Variants in COL8A1 observed in about 807,000 individuals in gnomAD.
COL8A1 encodes the protein collagen alpha-1(VIII) chain.
COL8A1 carries 21 observed loss-of-function variants against 42.7 expected under a neutral mutation model. That is an observed-to-expected ratio of 0.49 (90% CI 0.35 to 0.71). The LOEUF (loss-of-function observed/expected upper bound fraction) is 0.71. COL8A1 is among the 30% of genes least tolerant of loss of function. COL8A1 has a pLI of 0.01. For missense variants in COL8A1, 788 were observed against 962.4 expected (o/e 0.82, Z 2.40); for synonymous variants, 367 against 369.1 (o/e 0.99, Z 0.06).
intron 1 of COL8A1, among the ~76,000 whole-genome samples, chr3:99,732,532 T>G (rs1940545287): frequency 6.6e-6 from 1 of 152,062 alleles, no homozygotes; most frequent in Non-Finnish European, 1.5e-5. Context: ...GAGCACTCAC[T>G]CACTATCCTG....
chr3:99,732,974 G>A (rs1233648556), intron 1 of COL8A1, among the ~76,000 whole-genome samples: 1 of 152,056 alleles, frequency 6.6e-6, no homozygotes, highest in African/African-American at 2.4e-5. Flanking sequence ...CAGCAGGGTA[G>A]CCAAATATTA....
intron 2 of COL8A1, among the ~76,000 whole-genome samples, chr3:99,778,637 T>C (rs767814394): frequency 7.2e-5 from 11 of 152,156 alleles, no homozygotes; most frequent in Admixed American, 4.6e-4. Context: ...AGGCACTCTT[T>C]ATTAATTTCT....
At chr3:99,654,194 C>G (rs545325252) in intron 1 of COL8A1, among the ~76,000 whole-genome samples, 6 of 152,106 alleles carry the variant, frequency 3.9e-5, no homozygotes, top group Non-Finnish European at 8.8e-5. Context: ...CACCTTCTTC[C>G]GCCTGCTTTA....
intron 1 of COL8A1, among the ~76,000 whole-genome samples, chr3:99,657,124 TTA>T (rs1057294874): frequency 9.2e-5 from 14 of 152,176 alleles, no homozygotes; most frequent in African/African-American, 2.9e-4. Flanking sequence ...CTTCATCCTT[TTA>T]TGGGAGGAAA....
intron 1 of COL8A1, among the ~76,000 whole-genome samples, chr3:99,725,816 G>A (rs184118732): frequency 1.4e-4 from 21 of 151,910 alleles, no homozygotes; most frequent in African/African-American, 4.8e-4. Flanking sequence ...GTCTATCATT[G>A]TTGGACATTT....
Position 99,795,762 on chromosome 3 carries a change from G to A in COL8A1, c.1861G>A (p.Glu621Lys), listed in dbSNP as rs376085430. The stretch of plus-strand genomic sequence containing the variant: ...CTATGAGATGCCTGCATTTACCGCC[G>A]AGCTAACCGCACCTTTCCCACCGGT... Reference protein sequence around the residue: ...PAYEMPAFTAELTAPFPPVGA... With the variant: ...PAYEMPAFTAKLTAPFPPVGA... Residue 621 changes from glutamate to lysine, a missense_variant, in exon 4 of 4, where the codon GAG (glutamate) becomes AAG (lysine). Glu to Lys is a moderately conservative substitution (Grantham distance 56). Coordinates refer to ENST00000652472, the MANE Select transcript of COL8A1 (RefSeq NM_020351.4). 9.3e-6 allele frequency: 15 copies of A among 1,613,954 alleles called. No homozygotes were observed. Among genetic ancestry groups the A allele is most frequent in the African/African-American group, 6.7e-5 (5 of 74,876 alleles).
At chr3:99,716,031 C>G (rs1327315541) in intron 1 of COL8A1, among the ~76,000 whole-genome samples, 1 of 151,928 alleles carries the variant, frequency 6.6e-6, no homozygotes, top group African/African-American at 2.4e-5. Context: ...GTGGTATAAC[C>G]CTTTTCGTCC....
chr3:99,737,819 GT>G (rs1197354171), intron 1 of COL8A1, among the ~76,000 whole-genome samples: 1 of 151,898 alleles, frequency 6.6e-6, no homozygotes, highest in East Asian at 1.9e-4. Context: ...CCTGCAGAGT[GT>G]TTTCCAACTT....
chr3:99,712,261 C>T (rs920877382), intron 1 of COL8A1, among the ~76,000 whole-genome samples: 14 of 152,174 alleles, frequency 9.2e-5, no homozygotes, highest in African/African-American at 3.4e-4. Flanking sequence ...CCAAACAATT[C>T]CTGGAAACTC....
chr3:99,759,075 C>T (rs1234935378), intron 2 of COL8A1, among the ~76,000 whole-genome samples: 1 of 151,526 alleles, frequency 6.6e-6, no homozygotes, highest in East Asian at 1.9e-4. Context: ...TTGCATCGAT[C>T]CTACTCCCAA....
intron 1 of COL8A1, among the ~76,000 whole-genome samples, chr3:99,691,239 CA>C (rs1413024054): frequency 6.6e-6 from 1 of 152,146 alleles, no homozygotes; most frequent in East Asian, 1.9e-4. Context: ...AGGTGAACCA[CA>C]AAATGTCATC....
intron 1 of COL8A1, among the ~76,000 whole-genome samples, chr3:99,696,149 A>T (rs1046085592): frequency 3.4e-4 from 52 of 152,240 alleles, no homozygotes; most frequent in Middle Eastern, 3.2e-3. Context: ...CAATTAAAAA[A>T]ACAAAGTAAG....
At chr3:99,695,115 T>C (rs1316573576) in intron 1 of COL8A1, among the ~76,000 whole-genome samples, 2 of 152,182 alleles carry the variant, frequency 1.3e-5, no homozygotes, top group East Asian at 3.8e-4. Context: ...TATATAATTA[T>C]AAATTATCTA....
chr3:99,746,716 A>G (rs554606737), intron 2 of COL8A1, among the ~76,000 whole-genome samples: 88 of 152,356 alleles, frequency 5.8e-4, no homozygotes, highest in African/African-American at 2.1e-3. Flanking sequence ...AGGCCATTCA[A>G]TAAACTATTT....
intron 1 of COL8A1, among the ~76,000 whole-genome samples, chr3:99,677,037 G>A (rs1938718781): frequency 6.6e-6 from 1 of 150,762 alleles, no homozygotes; most frequent in African/African-American, 2.4e-5. Context: ...AGGCAACATG[G>A]CAAAACCCTG....
intron 1 of COL8A1, among the ~76,000 whole-genome samples, chr3:99,658,136 A>C (rs934016012): frequency 4.0e-5 from 6 of 151,564 alleles, no homozygotes; most frequent in Non-Finnish European, 8.8e-5. Flanking sequence ...AAACAAAAAA[A>C]AAAAAACACC....
chr3:99,795,253 T>A lies in COL8A1; in HGVS notation c.1352T>A (p.Met451Lys). Residue 451 changes from methionine (M) to lysine (K), a missense_variant, in exon 4 of 4, where the codon ATG (methionine) becomes AAG (lysine). Transcript: ENST00000652472. ...GFLGEVGPPG[M>K]RGLPGPIGPK... ...CTTGGTGAAGTAGGGCCTCCTGGCA[T>A]GAGGGGTTTGCCAGGTCCCATAGGG... 1 of 1,613,126 alleles carries A rather than the reference T, an allele frequency of 6.2e-7. No homozygotes were observed. Among genetic ancestry groups the A allele is most frequent in the Non-Finnish European group, 8.5e-7 (1 of 1,179,556 alleles).
intron 1 of COL8A1, among the ~76,000 whole-genome samples, chr3:99,734,170 A>T (rs1174121348): frequency 2.0e-5 from 3 of 149,010 alleles, no homozygotes; most frequent in Non-Finnish European, 3.0e-5. Flanking sequence ...CCCATTTGTC[A>T]ATTTTGTCTT....
intron 2 of COL8A1, among the ~76,000 whole-genome samples, chr3:99,754,839 A>G (rs777205720): frequency 6.6e-6 from 1 of 152,218 alleles, no homozygotes; most frequent in African/African-American, 2.4e-5. Flanking sequence ...TTATCTCAAT[A>G]GACCAAACCA....
Sources: allele counts gnomAD v4.1 joint callset (sites outside exome capture counted in the v4.1 genomes callset), GRCh38; gene constraint gnomAD v4.1.1; transcripts MANE v1.5; gene names NCBI Gene and HGNC (gene_info 2026-07-23, HGNC 2026-07-21).